Variants in PCSK5 observed in about 807,000 individuals in gnomAD.
PCSK5 encodes the protein proprotein convertase subtilisin/kexin type 5.
In PCSK5, 129 loss-of-function variants were observed where a neutral mutation model predicts 233.2. The observed-to-expected ratio is 0.55, with a 90% CI of 0.48 to 0.64. PCSK5 has a LOEUF of 0.64. Among genes scored for constraint, PCSK5 ranks in the 30% least tolerant of loss-of-function variants. PCSK5 has a pLI of 0.00. For missense variants in PCSK5, 2,076 were observed against 2,430.1 expected (o/e 0.85, Z 3.06); for synonymous variants, 825 against 879.2 (o/e 0.94, Z 1.09).
chr9:76,262,450 C>A (rs1408896973), intron 24 of PCSK5, among the ~76,000 whole-genome samples: 1 of 151,916 alleles, frequency 6.6e-6, no homozygotes, highest in Non-Finnish European at 1.5e-5. Context: ...TGGAACAGAA[C>A]AGAGCCCTCA....
intron 1 of PCSK5, among the ~76,000 whole-genome samples, chr9:75,906,369 G>T (rs929887321): frequency 2.6e-5 from 4 of 152,150 alleles, no homozygotes; most frequent in African/African-American, 9.7e-5. Context: ...GAGATTACAG[G>T]TGTCTGTCAC....
At chr9:76,013,580 C>G (rs139474708) in intron 3 of PCSK5, among the ~76,000 whole-genome samples, 218 of 152,240 alleles carry the variant, frequency 1.4e-3, no homozygotes, top group African/African-American at 5.1e-3. Context: ...TTATGTATTG[C>G]TTTTCTATTT....
chr9:76,068,606 G>A (rs570077953), intron 6 of PCSK5, among the ~76,000 whole-genome samples: 2 of 152,046 alleles, frequency 1.3e-5, no homozygotes, highest in Non-Finnish European at 2.9e-5. Context: ...GCATGTATAC[G>A]TAAAAACTCA....
At chr9:76,334,916 A>T (rs1202388556) in intron 34 of PCSK5, among the ~76,000 whole-genome samples, 2 of 152,078 alleles carry the variant, frequency 1.3e-5, no homozygotes, top group East Asian at 3.9e-4. Context: ...TGTCTCTATT[A>T]ACAATACAAA....
intron 5 of PCSK5, among the ~76,000 whole-genome samples, chr9:76,053,764 C>T (rs35427550): frequency 0.16 from 24,468 of 152,080 alleles, 2,135 homozygotes; most frequent in Non-Finnish European, 0.19. Flanking sequence ...CAAACTTTCC[C>T]ACTTTTTCCT....
chr9:76,352,464 A>G (rs993916939), intron 36 of PCSK5, among the ~76,000 whole-genome samples: 5 of 152,072 alleles, frequency 3.3e-5, no homozygotes, highest in African/African-American at 1.2e-4. Context: ...TTTCAGCCTT[A>G]TTTTACCCAG....
intron 32 of PCSK5, 80 bp from the exon 33 acceptor site, chr9:76,327,928 AC>A: frequency 1.2e-6 from 1 of 839,588 alleles, no homozygotes; most frequent in Non-Finnish European, 2.1e-6. Flanking sequence ...GAATGTGAAG[AC>A]CCTTTCCCAG....
intron 24 of PCSK5, among the ~76,000 whole-genome samples, chr9:76,286,194 T>C (rs1828059107): frequency 6.6e-6 from 1 of 152,230 alleles, no homozygotes; most frequent in Non-Finnish European, 1.5e-5. Flanking sequence ...TTGGTAATTC[T>C]GCTGTATATT....
At chr9:76,137,661 T>A (rs983677366) in intron 10 of PCSK5, among the ~76,000 whole-genome samples, 21 of 152,112 alleles carry the variant, frequency 1.4e-4, no homozygotes, top group Admixed American at 1.0e-3. Context: ...ATAGTTTTTT[T>A]AATTAAATGG....
At chr9:75,988,421 A>G (rs574402676) in intron 3 of PCSK5, among the ~76,000 whole-genome samples, 14 of 151,888 alleles carry the variant, frequency 9.2e-5, no homozygotes, top group African/African-American at 3.1e-4. Flanking sequence ...AGCTGGGACT[A>G]TAGGTGCGCA....
intron 5 of PCSK5, among the ~76,000 whole-genome samples, chr9:76,052,510 C>G (rs980207854): frequency 6.6e-6 from 1 of 152,140 alleles, no homozygotes; most frequent in African/African-American, 2.4e-5. Context: ...GACTTATTCA[C>G]TATCATGAGA....
rs1040592051 is a variant in PCSK5, at chr9:76,214,845, G to A, written c.2627-12658G>A. 2.6e-5 allele frequency among the ~76,000 whole-genome samples: 4 copies of A among 152,148 alleles called. No individual in the cohort carries two copies. In the East Asian group the frequency reaches 7.7e-4, roughly 29 times the overall value. On this transcript the variant is annotated intron_variant, in intron 20 of 37. Transcript: ENST00000674117. ...CATAAACTGGCTCTGAGAATTAAGTGTGAAAATATTGAGAAAGCTTTTCTA... is the reference window on the plus strand; with the variant it reads ...CATAAACTGGCTCTGAGAATTAAGTATGAAAATATTGAGAAAGCTTTTCTA...
intron 2 of PCSK5, among the ~76,000 whole-genome samples, chr9:75,961,736 C>T (rs1186773843): frequency 3.9e-5 from 6 of 152,066 alleles, no homozygotes; most frequent in South Asian, 2.1e-4. Flanking sequence ...AGGCAGAGAA[C>T]GTAAAATAGC....
Position 75,891,086 on chromosome 9 carries a change from T to TGCGA in PCSK5, c.-94_-93insGAGC. On this transcript the variant is annotated 5_prime_UTR_variant, in exon 1 of 38. Transcript: ENST00000674117. The stretch of plus-strand genomic sequence containing the variant: ...GCTGCGAGCTGCGGCGGCCCGGGGC[T>TGCGA]GCTCGCCGGGCGGCGCAGGCCGGAG... The TGCGA allele has an allele frequency of 2.5e-6, 3 of 1,190,010 alleles. No individual in the cohort carries two copies. The highest frequency in any genetic ancestry group is 2.2e-6 in the Non-Finnish European group (2 of 916,958). The allele number at this position is 1,190,010 out of a possible 1,614,324, so 73.7% of individuals were successfully genotyped here. A position where few individuals can be genotyped will look rare whatever the true frequency, so the allele number is the denominator to read the frequency against.
At chr9:76,228,104 G>C (rs1286337781) in intron 21 of PCSK5, among the ~76,000 whole-genome samples, 2 of 151,864 alleles carry the variant, frequency 1.3e-5, no homozygotes, top group Admixed American at 6.5e-5. Flanking sequence ...CTAGAAGCTG[G>C]GATTATAGGC....
rs527285850 is a variant in PCSK5, at chr9:76,349,133, G to A, written c.4967-1695G>A. On this transcript the variant is annotated intron_variant, in intron 35 of 37. Coordinates refer to ENST00000674117, the MANE Select transcript of PCSK5 (RefSeq NM_001372043.1). ...AAAAACATAAAAAAAAATTAGCTGG[G>A]CGTGGTGGCGGGCTCCTGTAGTCCC... 1.5e-3 allele frequency among the ~76,000 whole-genome samples: 230 copies of A among 151,912 alleles called. 1 individual carries two copies. The highest frequency in any genetic ancestry group is 5.2e-3 in the African/African-American group (215 of 41,444).
chr9:76,091,902 C>T (rs1164497161), intron 7 of PCSK5, among the ~76,000 whole-genome samples: 1 of 152,078 alleles, frequency 6.6e-6, no homozygotes, highest in African/African-American at 2.4e-5. Flanking sequence ...ATTATCTGTT[C>T]GACACAAGGA....
chr9:76,348,767 A>G (rs1354731130), intron 35 of PCSK5, among the ~76,000 whole-genome samples: 1 of 152,124 alleles, frequency 6.6e-6, no homozygotes, highest in Non-Finnish European at 1.5e-5. Context: ...CTAGAACTTT[A>G]TACCCTTTGA....
chr9:76,014,059 T>TC (rs1827844663), intron 3 of PCSK5, among the ~76,000 whole-genome samples: 1 of 142,898 alleles, frequency 7.0e-6, no homozygotes, highest in Non-Finnish European at 1.5e-5. Flanking sequence ...AAAGTACTCC[T>TC]CCTGAGACCT....
Sources: allele counts gnomAD v4.1 joint callset (sites outside exome capture counted in the v4.1 genomes callset), GRCh38; gene constraint gnomAD v4.1.1; transcripts MANE v1.5; gene names NCBI Gene and HGNC (gene_info 2026-07-23, HGNC 2026-07-21).